Variants in ZFY observed in about 807,000 individuals in gnomAD.
ZFY encodes the protein zinc finger protein Y-linked.
For missense variants in ZFY, 113 were observed against 170.9 expected, an observed-to-expected ratio of 0.66 and a Z score of 1.89; for synonymous variants, 47 against 55.8, an observed-to-expected ratio of 0.84 and a Z score of 0.71.
At chrY:2,951,120 G>A (rs767259500) in intron 1 of ZFY, among the ~76,000 whole-genome samples, 85 of 33,639 alleles carry the variant, frequency 2.5e-3, no homozygotes, top group Admixed American at 4.6e-3. Context: ...CTAGGATGTT[G>A]AGTGCCAGGG....
chrY:2,969,554 G>A lies in ZFY; in HGVS notation c.635-5541G>A, dbSNP rs752864395. On this transcript the variant is annotated intron_variant, in intron 3 of 7. Transcript: ENST00000155093. The stretch of plus-strand genomic sequence containing the variant: ...CAGCAGATCATCTTTTCTGTTTTGG[G>A]TTCTTCGTAAGGTGGGAAATAAGAT... Among the ~76,000 whole-genome samples the A allele has an allele frequency of 2.9e-3, 98 of 33,406 alleles. No homozygotes were observed. In the East Asian group the frequency reaches 0.059, roughly 20 times the overall value. The allele number at this position is 33,406 out of a possible 37,273, so 89.6% of individuals were successfully genotyped here.
intron 2 of ZFY, among the ~76,000 whole-genome samples, chrY:2,958,616 C>G: frequency 3.0e-5 from 1 of 33,513 alleles, no homozygotes; most frequent in African/African-American, 1.2e-4. Flanking sequence ...CATGCAGATG[C>G]ATCCTTACCT....
intron 1 of ZFY, among the ~76,000 whole-genome samples, chrY:2,951,047 C>T: frequency 1.2e-4 from 4 of 33,207 alleles, no homozygotes; most frequent in Non-Finnish European, 2.2e-4. Flanking sequence ...AGTTATTGAC[C>T]CTGCTAATGA....
intron 1 of ZFY, among the ~76,000 whole-genome samples, chrY:2,944,172 C>T: frequency 6.1e-5 from 2 of 32,828 alleles, no homozygotes; most frequent in African/African-American, 2.4e-4. Flanking sequence ...GCAGTAATAA[C>T]GATTTTTTTT....
intron 3 of ZFY, among the ~76,000 whole-genome samples, chrY:2,972,610 C>T: frequency 3.0e-5 from 1 of 33,759 alleles, no homozygotes; most frequent in Non-Finnish European, 7.4e-5. Context: ...AAAACTATTA[C>T]CATTGCCTTT....
At chrY:2,944,970 C>T (rs2051257764) in intron 1 of ZFY, among the ~76,000 whole-genome samples, 2 of 31,171 alleles carry the variant, frequency 6.4e-5, no homozygotes, top group African/African-American at 1.3e-4. Flanking sequence ...TGGTCTCGAA[C>T]TCCTGACGTC....
intron 3 of ZFY, among the ~76,000 whole-genome samples, chrY:2,967,904 G>T (rs2051334177): frequency 3.1e-5 from 1 of 32,782 alleles, no homozygotes; most frequent in Non-Finnish European, 7.5e-5. Context: ...TGAACTTAAG[G>T]ATCAAGAATT....
chrY:2,974,774 C>A, intron 3 of ZFY, among the ~76,000 whole-genome samples: 4 of 32,939 alleles, frequency 1.2e-4, no homozygotes, highest in Non-Finnish European at 3.0e-4. Flanking sequence ...ACCAGTGAGA[C>A]CTTGTCTGTA....
chrY:2,936,221 C>G lies in ZFY; in HGVS notation c.-29+452C>G, dbSNP rs762282613. 2.0e-4 allele frequency among the ~76,000 whole-genome samples: 7 copies of G among 34,354 alleles called. No homozygotes were observed. In the South Asian group the frequency reaches 4.4e-3, roughly 22 times the overall value. 92.2% of individuals were successfully genotyped at this position (34,354 alleles called of 37,273 possible). On this transcript the variant is annotated intron_variant, in intron 1 of 7. Coordinates refer to ENST00000155093, the MANE Select transcript of ZFY (RefSeq NM_003411.4). ...GCCGGGGTCATTTCGCCCCTCAGCG[C>G]TCCCGGCTCTGTGCCCTTCCGAGAG...
chrY:2,958,624 C>G, intron 2 of ZFY, among the ~76,000 whole-genome samples: 1 of 33,350 alleles, frequency 3.0e-5, no homozygotes, highest in South Asian at 6.7e-4. Context: ...TGCATCCTTA[C>G]CTCATTTCCA....
chrY:2,938,154 ATTTTTTTTTTTTTTTTTTTT>A (rs368708159), intron 1 of ZFY, among the ~76,000 whole-genome samples: 1 of 2,844 alleles, frequency 3.5e-4, no homozygotes, highest in Non-Finnish European at 6.7e-4. Context: ...CGCCGGGCTA[ATTTTTTTTTTTTTTTTTTTT>A]TTTTTTTTTT....
rs1336683090 is a variant in ZFY at position 2,961,200 on chromosome Y, T to C, written c.188T>C (p.Val63Ala). Reference protein sequence around the residue: ...HNFVPDDPDSVVIQDVVEDVV... With the variant: ...HNFVPDDPDSAVIQDVVEDVV... The stretch of plus-strand genomic sequence containing the variant: ...TTTGTTCCTGATGACCCAGACTCAG[T>C]TGTAATCCAAGATGTTGTTGAAGAT... The change falls in exon 3 of 8, where the codon GTT (valine) becomes GCT (alanine). Residue 63 changes from valine (V) to alanine (A), a missense_variant. Coordinates refer to ENST00000155093, the MANE Select transcript of ZFY (RefSeq NM_003411.4). 7.5e-6 allele frequency: 3 copies of C among 398,860 alleles called. No individual in the cohort carries two copies. In the Admixed American group the frequency reaches 2.2e-4, roughly 30 times the overall value.
chrY:2,969,204 G>T (rs2051340564), intron 3 of ZFY, among the ~76,000 whole-genome samples: 1 of 33,575 alleles, frequency 3.0e-5, no homozygotes, highest in Non-Finnish European at 7.4e-5. Context: ...TTTAGAGAAA[G>T]AATGTGCAAT....
rs745468268 is a variant in ZFY at position 2,968,309 on chromosome Y, CT to C, written c.634+6682del. Among the ~76,000 whole-genome samples, 38 of 24,697 alleles carry C rather than the reference CT, an allele frequency of 1.5e-3. No individual in the cohort carries two copies. The East Asian group carries it at 0.035, about 23-fold the overall frequency. 66.3% of individuals were successfully genotyped at this position (24,697 alleles called of 37,273 possible). On this transcript the variant is annotated intron_variant, in intron 3 of 7. Coordinates refer to ENST00000155093, the MANE Select transcript of ZFY (RefSeq NM_003411.4). Reference sequence around the variant, plus strand: ...ATGTGCAAATATGTTCATGTTTTCACTTTTTTTTTTTTTTTTTTTGAGACGG... The same window carrying C: ...ATGTGCAAATATGTTCATGTTTTCACTTTTTTTTTTTTTTTTTTGAGACGG...
chrY:2,964,866 T>C (rs560482218), intron 3 of ZFY, among the ~76,000 whole-genome samples: 2,621 of 31,941 alleles, frequency 0.082, no homozygotes, highest in East Asian at 0.059. Context: ...ACCCTATCTC[T>C]AAAAAAGTTA....
intron 1 of ZFY, among the ~76,000 whole-genome samples, chrY:2,952,432 A>G (rs2051281955): frequency 5.9e-5 from 2 of 33,777 alleles, no homozygotes; most frequent in Non-Finnish European, 1.5e-4. Flanking sequence ...TAATGAAGCC[A>G]GAGATTGTTT....
chrY:2,943,925 A>G (rs1049132053), intron 1 of ZFY, among the ~76,000 whole-genome samples: 1 of 33,783 alleles, frequency 3.0e-5, no homozygotes, highest in Non-Finnish European at 7.3e-5. Flanking sequence ...AGCAGTGAAT[A>G]GAAAAGTGAG....
intron 5 of ZFY, among the ~76,000 whole-genome samples, chrY:2,976,108 G>GTT (rs776753668): frequency 1.6e-3 from 37 of 23,488 alleles, no homozygotes; most frequent in African/African-American, 5.4e-3. Flanking sequence ...TACAAGGTGT[G>GTT]TTTTTTTTTT....
In ZFY at chrY:2,981,461, A is replaced by G. The variant is rs2051399091; in HGVS notation, c.*1468A>G. 6.0e-5 allele frequency: 2 copies of G among 33,418 alleles called. No individual in the cohort carries two copies. The highest frequency in any genetic ancestry group is 1.3e-3 in the South Asian group (2 of 1,536). 8.3% of individuals were successfully genotyped at this position (33,418 alleles called of 400,897 possible). On this transcript the variant is annotated 3_prime_UTR_variant, in exon 8 of 8. Coordinates refer to ENST00000155093, the MANE Select transcript of ZFY (RefSeq NM_003411.4). ...ATTAAAAAGAATTTGGTTAATAAGA[A>G]TTTGGAGAATGGAAAATACATTTTT... is the stretch of plus-strand genomic sequence containing the variant.
Sources: allele counts gnomAD v4.1 joint callset (sites outside exome capture counted in the v4.1 genomes callset), GRCh38; gene constraint gnomAD v4.1.1; transcripts MANE v1.5; gene names NCBI Gene and HGNC (gene_info 2026-07-23, HGNC 2026-07-21).